The following INPP4B variants were observed in gnomAD, a reference collection of about 807,000 sequenced individuals.
INPP4B encodes the protein inositol polyphosphate-4-phosphatase type II B.
A neutral mutation model predicts 122.5 loss-of-function variants in INPP4B; 55 were observed. That is an observed-to-expected ratio of 0.45 (90% CI 0.36 to 0.56). The LOEUF is 0.56. Ranked by LOEUF, INPP4B falls within the 20% of genes least tolerant of loss-of-function variation. The pLI is 0.00. For synonymous variants in INPP4B, 403 were observed against 388.7 expected (o/e 1.04, Z -0.43); for missense variants, 1,000 against 1,097.7 (o/e 0.91, Z 1.26).
At chr4:142,503,123 T>C (rs1364138519) in intron 2 of INPP4B, among the ~76,000 whole-genome samples, 2 of 152,162 alleles carry the variant, frequency 1.3e-5, no homozygotes, top group Non-Finnish European at 2.9e-5. Flanking sequence ...TTTGCAATAA[T>C]ATATAGAGTG....
intron 11 of INPP4B, among the ~76,000 whole-genome samples, chr4:142,238,457 C>T (rs1857613128): frequency 6.6e-6 from 1 of 152,066 alleles, no homozygotes; most frequent in African/African-American, 2.4e-5. Flanking sequence ...TTCTTCTGAT[C>T]ACTTTTAGTC....
intron 5 of INPP4B, among the ~76,000 whole-genome samples, chr4:142,423,298 T>G (rs933551878): frequency 6.6e-6 from 1 of 152,092 alleles, no homozygotes; most frequent in Non-Finnish European, 1.5e-5. Context: ...CCTTGCAAGT[T>G]GTAAATGCTG....
At chr4:142,843,169 T>C (rs1483397357) in intron 1 of INPP4B, among the ~76,000 whole-genome samples, 1 of 151,536 alleles carries the variant, frequency 6.6e-6, no homozygotes, top group Non-Finnish European at 1.5e-5. Context: ...TATATACTGC[T>C]CTAAAGTTTT....
intron 8 of INPP4B, among the ~76,000 whole-genome samples, chr4:142,310,559 A>G (rs1333024924): frequency 2.0e-5 from 3 of 152,150 alleles, no homozygotes; most frequent in African/African-American, 7.2e-5. Context: ...AAAACAACAC[A>G]TAGGAACTAT....
At chr4:142,369,174 G>A (rs1352875910) in intron 7 of INPP4B, among the ~76,000 whole-genome samples, 2 of 152,204 alleles carry the variant, frequency 1.3e-5, no homozygotes, top group Non-Finnish European at 1.5e-5. Context: ...GGTTTTGATT[G>A]TTCTCTTTGT....
At chr4:142,060,091 C>A (rs3775616) in intron 25 of INPP4B, among the ~76,000 whole-genome samples, 9,515 of 152,174 alleles carry the variant, frequency 0.063, 486 homozygotes, top group East Asian at 0.24. Context: ...TTGCACCTTT[C>A]ACGATTTTTC....
At chr4:142,279,702 G>C (rs937139791) in intron 9 of INPP4B, among the ~76,000 whole-genome samples, 1 of 151,846 alleles carries the variant, frequency 6.6e-6, no homozygotes. Flanking sequence ...GAGTTCTTTA[G>C]TGTGACACCA....
chr4:142,409,936 ACT>A (rs1218069460), intron 5 of INPP4B, among the ~76,000 whole-genome samples: 1 of 152,122 alleles, frequency 6.6e-6, no homozygotes, highest in Non-Finnish European at 1.5e-5. Context: ...AAAAGGTGGG[ACT>A]CTTCAGGATT....
intron 2 of INPP4B, among the ~76,000 whole-genome samples, chr4:142,611,083 G>C (rs1452917532): frequency 6.6e-6 from 1 of 152,182 alleles, no homozygotes; most frequent in African/African-American, 2.4e-5. Context: ...TTCCAGGGAG[G>C]CCTCAGGAAA....
At chr4:142,043,457 T>A (rs1749411219) in intron 25 of INPP4B, among the ~76,000 whole-genome samples, 1 of 152,172 alleles carries the variant, frequency 6.6e-6, no homozygotes, top group Non-Finnish European at 1.5e-5. Flanking sequence ...CAGGGAAGTT[T>A]TCTTAGAGAA....
At chr4:142,030,112 G>C (rs1221697115) in intron 25 of INPP4B, 1 of 1,505,326 alleles carries the variant, frequency 6.6e-7, no homozygotes, top group South Asian at 1.2e-5. Context: ...AAAGAAAAAG[G>C]AATACAACAT....
chr4:142,033,315 C>T (rs1741572893), intron 25 of INPP4B, among the ~76,000 whole-genome samples: 1 of 152,178 alleles, frequency 6.6e-6, no homozygotes, highest in Non-Finnish European at 1.5e-5. Flanking sequence ...CACATTCCCC[C>T]TCCACTGTGC....
chr4:142,339,853 T>G (rs896490701), intron 7 of INPP4B, among the ~76,000 whole-genome samples: 1 of 152,194 alleles, frequency 6.6e-6, no homozygotes, highest in Non-Finnish European at 1.5e-5. Context: ...TCTCATGCTT[T>G]GATGTAGTAT....
intron 7 of INPP4B, among the ~76,000 whole-genome samples, chr4:142,324,645 G>A (rs1199509608): frequency 1.3e-5 from 2 of 152,048 alleles, no homozygotes; most frequent in African/African-American, 4.8e-5. Flanking sequence ...GAGACTCTGT[G>A]AATACCTCCA....
intron 7 of INPP4B, among the ~76,000 whole-genome samples, chr4:142,317,884 C>A (rs1413359316): frequency 1.3e-5 from 2 of 152,116 alleles, no homozygotes; most frequent in Non-Finnish European, 2.9e-5. Flanking sequence ...GCAGGAGTTA[C>A]ATATGTTTGG....
intron 8 of INPP4B, among the ~76,000 whole-genome samples, chr4:142,311,712 T>C (rs767292035): frequency 1.3e-5 from 2 of 152,204 alleles, no homozygotes; most frequent in Non-Finnish European, 2.9e-5. Flanking sequence ...GATTCTCTTC[T>C]AGCTAAGGAC....
chr4:142,745,351 G>T (rs1299572658), intron 1 of INPP4B, among the ~76,000 whole-genome samples: 1 of 151,724 alleles, frequency 6.6e-6, no homozygotes, highest in African/African-American at 2.4e-5. Flanking sequence ...AACAGAGAGA[G>T]AAATGTAACT....
At chr4:142,063,400 C>CT (rs1380963752) in intron 25 of INPP4B, among the ~76,000 whole-genome samples, 1 of 152,110 alleles carries the variant, frequency 6.6e-6, no homozygotes, top group Non-Finnish European at 1.5e-5. Flanking sequence ...TAAAAAGCTT[C>CT]TTTTTCTCTT....
rs546222902 is a variant in INPP4B at position 142,593,633 on chromosome 4, T to C, written c.-190-130907A>G. On this transcript the variant is annotated intron_variant, in intron 2 of 25. Coordinates refer to ENST00000262992, the MANE Select transcript of INPP4B (RefSeq NM_001101669.3). ...GTAGCCTGGTGCCAGTAAAACTCCATGGACTTTTAGCCATAATGGGACCTA... is the reference window on the plus strand; with the variant it reads ...GTAGCCTGGTGCCAGTAAAACTCCACGGACTTTTAGCCATAATGGGACCTA... Among the ~76,000 whole-genome samples the C allele has an allele frequency of 6.6e-5, 10 of 152,284 alleles. No homozygotes were observed. In the East Asian group the frequency reaches 1.5e-3, roughly 24 times the overall value.
Sources: gnomAD v4.1 joint callset for allele counts (sites outside exome capture counted in the v4.1 genomes callset) on GRCh38, gnomAD v4.1.1 for gene constraint, MANE v1.5 for transcripts, NCBI Gene and HGNC (gene_info 2026-07-23, HGNC 2026-07-21) for gene names.